Variants in SLIT2 observed in about 807,000 individuals in gnomAD.
SLIT2 encodes slit guidance ligand 2, also known as slit homolog 2 protein.
A neutral mutation model predicts 185.7 loss-of-function variants in SLIT2; 41 were observed. That is an observed-to-expected ratio of 0.22 (90% CI 0.17 to 0.29). The LOEUF is 0.29. Ranked by LOEUF, SLIT2 falls within the 10% of genes least tolerant of loss-of-function variation. SLIT2 has a pLI of 1.00. For missense variants in SLIT2, 1,571 were observed against 1,909.0 expected, an observed-to-expected ratio of 0.82 and a Z score of 3.30; for synonymous variants, 693 against 680.2, an observed-to-expected ratio of 1.02 and a Z score of -0.29.
intron 4 of SLIT2, among the ~76,000 whole-genome samples, chr4:20,375,927 C>G (rs151122672): frequency 4.0e-5 from 6 of 151,876 alleles, no homozygotes; most frequent in African/African-American, 9.7e-5. Flanking sequence ...AGAACCACCA[C>G]GAGCTTGTCA....
At chr4:20,475,123 T>G (rs1325495874) in intron 5 of SLIT2, among the ~76,000 whole-genome samples, 2 of 152,128 alleles carry the variant, frequency 1.3e-5, no homozygotes, top group African/African-American at 4.8e-5. Context: ...TCCTAGCTCC[T>G]TCTTCCCTTC....
intron 4 of SLIT2, among the ~76,000 whole-genome samples, chr4:20,320,499 A>T (rs1030322645): frequency 6.6e-6 from 1 of 152,022 alleles, no homozygotes; most frequent in Non-Finnish European, 1.5e-5. Flanking sequence ...TGCTTATCAC[A>T]TACTCACTGT....
At chr4:20,284,856 T>A (rs10516349) in intron 4 of SLIT2, among the ~76,000 whole-genome samples, 29,784 of 152,234 alleles carry the variant, frequency 0.2, 3,474 homozygotes, top group Middle Eastern at 0.31. Flanking sequence ...TACTACAAAG[T>A]TGAAATTGCT....
At chr4:20,400,307 A>G (rs1726244407) in intron 4 of SLIT2, among the ~76,000 whole-genome samples, 1 of 151,746 alleles carries the variant, frequency 6.6e-6, no homozygotes, top group Non-Finnish European at 1.5e-5. Context: ...GTAATATAGA[A>G]GAGGGATTTT....
chr4:20,520,702 C>T (rs554359590), intron 12 of SLIT2, among the ~76,000 whole-genome samples: 1 of 152,268 alleles, frequency 6.6e-6, no homozygotes, highest in East Asian at 1.9e-4. Flanking sequence ...TTAGCACACA[C>T]ACACCCAAAC....
intron 4 of SLIT2, among the ~76,000 whole-genome samples, chr4:20,428,240 T>C (rs1728703663): frequency 6.6e-6 from 1 of 152,192 alleles, no homozygotes; most frequent in Admixed American, 6.5e-5. Context: ...CACACACACA[T>C]GTACACAGAA....
intron 22 of SLIT2, among the ~76,000 whole-genome samples, chr4:20,546,900 A>G (rs1723299352): frequency 6.6e-6 from 1 of 152,110 alleles, no homozygotes; most frequent in Admixed American, 6.6e-5. Context: ...GTAGATATTA[A>G]TAGAAAGTAC....
At chr4:20,270,734 G>T (rs1233821649) in intron 4 of SLIT2, among the ~76,000 whole-genome samples, 1 of 151,896 alleles carries the variant, frequency 6.6e-6, no homozygotes, top group Admixed American at 6.6e-5. Flanking sequence ...TAACTTGATG[G>T]CCTAGCACTC....
intron 4 of SLIT2, among the ~76,000 whole-genome samples, chr4:20,342,836 A>G (rs1177343208): frequency 7.0e-6 from 1 of 142,226 alleles, no homozygotes; most frequent in Non-Finnish European, 1.5e-5. Flanking sequence ...GTACATGATT[A>G]GAAGCCTAAA....
Position 20,254,053 on chromosome 4 carries a change from A to G in SLIT2, c.179+59A>G, listed in dbSNP as rs1298122645. 2.6e-6 allele frequency: 4 copies of G among 1,527,414 alleles called. 1 individual carries two copies. In the East Asian group the frequency reaches 9.1e-5, roughly 35 times the overall value. The allele number at this position is 1,527,414 out of a possible 1,614,324, so 94.6% of individuals were successfully genotyped here. On this transcript the variant is annotated intron_variant, in intron 1 of 36. Transcript: ENST00000504154. The surrounding 1 kb of genome is among the most constrained non-coding windows in gnomAD (Gnocchi z 5.1). ...ATCCGGGCCGCGCACCCCTGCCTCC[A>G]CTGGAGGAACCTGTCAGCTCAGGGT...
intron 4 of SLIT2, among the ~76,000 whole-genome samples, chr4:20,347,058 C>T (rs1357660159): frequency 6.6e-6 from 1 of 152,212 alleles, no homozygotes; most frequent in Non-Finnish European, 1.5e-5. Context: ...GAAGTTGACA[C>T]TCCGTATTAA....
intron 4 of SLIT2, among the ~76,000 whole-genome samples, chr4:20,286,717 G>A (rs562255436): frequency 1.3e-5 from 2 of 152,236 alleles, no homozygotes; most frequent in South Asian, 2.1e-4. Context: ...TGGGAGAATC[G>A]CTTGAACCTG....
chr4:20,528,883 C>A lies in SLIT2; in HGVS notation c.1463-66C>A. The stretch of plus-strand genomic sequence containing the variant: ...CTATAGTTATCTTACTTTTTTCTTC[C>A]TACAAACTAATAAATTTTCTAACCT... On this transcript the variant is annotated intron_variant, in intron 15 of 36. Transcript: ENST00000504154. This position sits in a 1 kb window ranked among gnomAD's most constrained non-coding sequence, Gnocchi z 4.2. 1 of 1,344,422 alleles carries A rather than the reference C, an allele frequency of 7.4e-7. No homozygotes were observed. Among genetic ancestry groups the A allele is most frequent in the Non-Finnish European group, 1.0e-6 (1 of 978,824 alleles). 83.3% of individuals were successfully genotyped at this position (1,344,422 alleles called of 1,614,324 possible).
chr4:20,538,045 C>T (rs1722455590), intron 18 of SLIT2, among the ~76,000 whole-genome samples: 1 of 152,176 alleles, frequency 6.6e-6, no homozygotes, highest in African/African-American at 2.4e-5. Flanking sequence ...CTGCAAGCTC[C>T]ACCTCCCGGG....
chr4:20,551,740 G>A (rs1041410602), intron 25 of SLIT2, among the ~76,000 whole-genome samples: 5 of 152,000 alleles, frequency 3.3e-5, no homozygotes, highest in Admixed American at 3.3e-4. Flanking sequence ...TCCTCTCCTG[G>A]TTTTGCACTT....
chr4:20,591,079 TATTG>T (rs1727480299), intron 30 of SLIT2, among the ~76,000 whole-genome samples: 1 of 152,178 alleles, frequency 6.6e-6, no homozygotes, highest in South Asian at 2.1e-4. Flanking sequence ...AAGCAATATT[TATTG>T]AGTGCCTGCC....
intron 4 of SLIT2, among the ~76,000 whole-genome samples, chr4:20,281,844 C>T (rs973025538): frequency 1.3e-5 from 2 of 152,130 alleles, no homozygotes; most frequent in Admixed American, 6.5e-5. Flanking sequence ...ATGAGAATAA[C>T]GCTTGTAGCT....
chr4:20,454,457 A>G (rs1331590037), intron 4 of SLIT2, among the ~76,000 whole-genome samples: 1 of 152,176 alleles, frequency 6.6e-6, no homozygotes, highest in East Asian at 1.9e-4. Context: ...AAGTTGGCAT[A>G]CTCATTTACC....
chr4:20,268,101 A>T (rs1204426969), intron 3 of SLIT2, among the ~76,000 whole-genome samples: 1 of 151,974 alleles, frequency 6.6e-6, no homozygotes, highest in Non-Finnish European at 1.5e-5. Context: ...CATACCAAGC[A>T]TCAGGGCTTA....
Sources: gnomAD v4.1 joint callset for allele counts (sites outside exome capture counted in the v4.1 genomes callset) on GRCh38, gnomAD v4.1.1 for gene constraint, Gnocchi (gnomAD v3.1) non-coding constraint, MANE v1.5 for transcripts, NCBI Gene and HGNC (gene_info 2026-07-23, HGNC 2026-07-21) for gene names.